The following MYO9A variants were observed in gnomAD, a reference collection of about 807,000 sequenced individuals.
The protein encoded by MYO9A is unconventional myosin-IXa.
MYO9A carries 103 observed loss-of-function variants against 293.3 expected under a neutral mutation model. The observed-to-expected ratio is 0.35, with a 90% CI of 0.30 to 0.41. The LOEUF is 0.41. MYO9A is among the 10% of genes least tolerant of loss of function. MYO9A has a pLI of 1.00. For synonymous variants in MYO9A, 1,001 were observed against 1,035.7 expected, an observed-to-expected ratio of 0.97 and a Z score of 0.64; for missense variants, 2,685 against 3,033.0, an observed-to-expected ratio of 0.89 and a Z score of 2.69.
intron 39 of MYO9A, among the ~76,000 whole-genome samples, chr15:71,845,425 C>CA (rs1375534940): frequency 6.6e-6 from 1 of 152,192 alleles, no homozygotes; most frequent in Non-Finnish European, 1.5e-5. Context: ...CAGTGGTTCT[C>CA]AGAGTGTAGC....
At chr15:72,039,208 A>C (rs1412388826) in intron 2 of MYO9A, among the ~76,000 whole-genome samples, 3 of 152,130 alleles carry the variant, frequency 2.0e-5, no homozygotes, top group Non-Finnish European at 4.4e-5. Context: ...CAAGTATGTC[A>C]TTGTTTTAGA....
intron 26 of MYO9A, chr15:71,889,724 T>C (rs1396406332): frequency 2.0e-5 from 3 of 151,946 alleles, no homozygotes; most frequent in Non-Finnish European, 4.4e-5. Context: ...AGATAAAAGG[T>C]TTAAAAAAGA....
chr15:72,103,278 A>G (rs1254195886), intron 1 of MYO9A, among the ~76,000 whole-genome samples: 1 of 147,878 alleles, frequency 6.8e-6, no homozygotes, highest in Non-Finnish European at 1.5e-5. Flanking sequence ...CAGCAGCAGA[A>G]GCAGCAGCAA....
chr15:72,004,097 A>G (rs1414592861), intron 8 of MYO9A, among the ~76,000 whole-genome samples: 2 of 152,204 alleles, frequency 1.3e-5, no homozygotes, highest in Non-Finnish European at 2.9e-5. Context: ...AATATTACCC[A>G]ATTCACGATT....
chr15:72,089,197 C>CT (rs759651397), intron 1 of MYO9A, among the ~76,000 whole-genome samples: 1 of 152,248 alleles, frequency 6.6e-6, no homozygotes, highest in Non-Finnish European at 1.5e-5. Context: ...GGGTCTCACT[C>CT]TGTTACCCAG....
chr15:71,899,752 G>A lies in MYO9A; in HGVS notation c.3405C>T (p.Tyr1135=). Residue 1135 remains tyrosine (Y), a synonymous_variant, in exon 24 of 42, where the codon TAC becomes TAT. Transcript: ENST00000356056. ...RWKAYRESKR[Y]QEQRKKIILL... ...GGATAATTTTTTTCCTTTGTTCTTG[G>A]TACCTTTTACTTTCCCTGTAGGCTT... is the stretch of plus-strand genomic sequence containing the variant. 1.2e-6 allele frequency: 2 copies of A among 1,614,058 alleles called. No individual in the cohort carries two copies. Among genetic ancestry groups the A allele is most frequent in the Middle Eastern group, 3.3e-4 (2 of 6,062 alleles).
intron 32 of MYO9A, among the ~76,000 whole-genome samples, chr15:71,863,621 C>A (rs918311105): frequency 1.3e-5 from 2 of 152,008 alleles, no homozygotes; most frequent in Non-Finnish European, 2.9e-5. Context: ...TAGCTTAATA[C>A]AGATATGAAA....
At chr15:71,865,527 T>C (rs547859092) in intron 32 of MYO9A, among the ~76,000 whole-genome samples, 3 of 152,284 alleles carry the variant, frequency 2.0e-5, no homozygotes, top group Middle Eastern at 3.4e-3. Context: ...GAAAACATTA[T>C]GCTAAGTGAG....
chr15:71,979,010 G>A (rs908866167), intron 11 of MYO9A, among the ~76,000 whole-genome samples: 1 of 152,036 alleles, frequency 6.6e-6, no homozygotes, highest in Non-Finnish European at 1.5e-5. Context: ...CACTGCAGTG[G>A]TATTTAGGCA....
chr15:71,866,779 C>A (rs1026502214), intron 32 of MYO9A, among the ~76,000 whole-genome samples: 2 of 152,106 alleles, frequency 1.3e-5, no homozygotes, highest in African/African-American at 4.8e-5. Context: ...TCAAAGCAGG[C>A]CAGGCGCAGT....
chr15:72,063,494 GTCTA>G (rs574384339), intron 1 of MYO9A, among the ~76,000 whole-genome samples: 269 of 152,290 alleles, frequency 1.8e-3, no homozygotes, highest in African/African-American at 6.4e-3. Context: ...TGTGCAAACT[GTCTA>G]TCTGACAAGG....
chr15:71,913,305 T>C (rs1479433078), intron 19 of MYO9A, among the ~76,000 whole-genome samples: 3 of 152,140 alleles, frequency 2.0e-5, no homozygotes, highest in Non-Finnish European at 2.9e-5. Context: ...AAAAGTTCCA[T>C]TTGAGTCTTT....
chr15:71,878,030 T>A lies in MYO9A; in HGVS notation c.5931+10A>T. ...AAATCCTTTAAGTAATCAAAATATA[T>A]CACATTTACCTTTGTGGCTGTGCAA... On this transcript the variant is annotated intron_variant, in intron 31 of 41. Transcript: ENST00000356056. 1 of 1,564,782 alleles carries A rather than the reference T, an allele frequency of 6.4e-7. No individual in the cohort carries two copies. Among genetic ancestry groups the A allele is most frequent in the Non-Finnish European group, 8.6e-7 (1 of 1,158,218 alleles).
intron 1 of MYO9A, among the ~76,000 whole-genome samples, chr15:72,115,259 G>A (rs915354478): frequency 6.6e-6 from 1 of 152,052 alleles, no homozygotes; most frequent in African/African-American, 2.4e-5. Flanking sequence ...GTATGATTTT[G>A]CCTCCAAAAT....
At chr15:71,861,583 A>AG (rs2056125493) in intron 33 of MYO9A, among the ~76,000 whole-genome samples, 1 of 147,880 alleles carries the variant, frequency 6.8e-6, no homozygotes, top group African/African-American at 2.5e-5. Context: ...TCATTTATCC[A>AG]TCCATCCATC....
intron 34 of MYO9A, among the ~76,000 whole-genome samples, chr15:71,856,439 A>G (rs1596039166): frequency 6.6e-6 from 1 of 152,098 alleles, no homozygotes; most frequent in African/African-American, 2.4e-5. Context: ...CTGGATAACA[A>G]ACAACTAATG....
rs1382805810 is a variant in MYO9A at position 72,117,834 on chromosome 15, T to G, written c.-226A>C. The G allele has an allele frequency of 5.0e-6, 2 of 398,328 alleles. 1 individual carries two copies. Among genetic ancestry groups the G allele is most frequent in the South Asian group, 2.5e-4 (2 of 7,844 alleles). 24.7% of individuals were successfully genotyped at this position (398,328 alleles called of 1,614,324 possible). ...GAGGGTGGGCCCAGCAGCCTCAGGG[T>G]CCGGGCGAGCGGCCGCGGCGCATCC... is the stretch of plus-strand genomic sequence containing the variant. On this transcript the variant is annotated 5_prime_UTR_variant, in exon 1 of 42. Coordinates refer to ENST00000356056, the MANE Select transcript of MYO9A (RefSeq NM_006901.4).
At chr15:71,844,181 C>T (rs1567189142) in intron 39 of MYO9A, among the ~76,000 whole-genome samples, 1 of 152,318 alleles carries the variant, frequency 6.6e-6, no homozygotes, top group South Asian at 2.1e-4. Flanking sequence ...CAGCCTTTCC[C>T]TGTGCCACCA....
intron 4 of MYO9A, among the ~76,000 whole-genome samples, chr15:72,022,832 G>A (rs2077544161): frequency 6.6e-6 from 1 of 151,920 alleles, no homozygotes; most frequent in Non-Finnish European, 1.5e-5. Context: ...TTACAAGCGT[G>A]AGTCACCACA....
Sources: gnomAD v4.1 joint callset for allele counts (sites outside exome capture counted in the v4.1 genomes callset) on GRCh38, gnomAD v4.1.1 for gene constraint, MANE v1.5 for transcripts, NCBI Gene and HGNC (gene_info 2026-07-23, HGNC 2026-07-21) for gene names.